THSD4: variants seen among roughly 807,000 people sequenced by gnomAD.
THSD4 encodes the protein thrombospondin type 1 domain containing 4.
In THSD4, 69 loss-of-function variants were observed where a neutral mutation model predicts 119.0. The ratio of observed to expected loss-of-function variants is 0.58; its 90% confidence interval spans 0.48 to 0.71. The LOEUF (loss-of-function observed/expected upper bound fraction) is 0.71, where lower values mean the gene tolerates loss of function less well. Ranked by LOEUF, THSD4 falls within the 30% of genes least tolerant of loss-of-function variation. The pLI is 0.00. For missense variants in THSD4, 1,393 were observed against 1,391.1 expected, an observed-to-expected ratio of 1.00 and a Z score of -0.02; for synonymous variants, 524 against 540.4, an observed-to-expected ratio of 0.97 and a Z score of 0.42.
intron 7 of THSD4, among the ~76,000 whole-genome samples, chr15:71,424,815 A>G (rs534051741): frequency 1.1e-3 from 160 of 152,240 alleles, no homozygotes; most frequent in Non-Finnish European, 2.0e-3. Context: ...TGTATGTATT[A>G]TTTTTGCTCC....
Position 71,728,626 on chromosome 15 carries a change from G to A in THSD4, c.1435G>A (p.Gly479Arg), listed in dbSNP as rs2052912098. The change falls in exon 9 of 18, where the codon GGG (glycine) becomes AGG (arginine). Residue 479 changes from glycine (G) to arginine (R), a missense_variant. Physicochemically the swap from Gly to Arg is moderately radical, Grantham distance 125. Coordinates refer to ENST00000261862, the MANE Select transcript of THSD4 (RefSeq NM_024817.3). ...TCGACCAGGAAAATACGAGGGCGGA[G>A]GGACCATGTTCACCTACAAGCGTCC... is the stretch of plus-strand genomic sequence containing the variant. Reference protein sequence around the residue: ...IDRPGKYEGGGTMFTYKRPNE... With the variant: ...IDRPGKYEGGRTMFTYKRPNE... 6.2e-7 allele frequency: 1 copy of A among 1,614,094 alleles called. No homozygotes were observed. The highest frequency in any genetic ancestry group is 8.5e-7 in the Non-Finnish European group (1 of 1,180,048).
At chr15:71,559,370 C>G (rs1421609645) in intron 7 of THSD4, among the ~76,000 whole-genome samples, 2 of 152,142 alleles carry the variant, frequency 1.3e-5, no homozygotes, top group Non-Finnish European at 2.9e-5. Context: ...CCAACATAAA[C>G]TTTCTAATAT....
intron 7 of THSD4, among the ~76,000 whole-genome samples, chr15:71,444,641 A>AT (rs2047154505): frequency 2.6e-5 from 4 of 152,174 alleles, no homozygotes; most frequent in African/African-American, 9.6e-5. Context: ...TGGGTTTCTG[A>AT]TTTTGGTGAG....
intron 7 of THSD4, among the ~76,000 whole-genome samples, chr15:71,496,877 C>T (rs956740772): frequency 2.0e-5 from 3 of 152,144 alleles, no homozygotes; most frequent in Non-Finnish European, 4.4e-5. Context: ...GCAGCCATGC[C>T]ACAGGGTTGG....
intron 7 of THSD4, among the ~76,000 whole-genome samples, chr15:71,440,558 A>G (rs774201139): frequency 1.1e-4 from 16 of 152,220 alleles, no homozygotes; most frequent in Admixed American, 3.9e-4. Flanking sequence ...TTTTTAAATG[A>G]AAGTCTATGC....
chr15:71,311,080 T>C (rs2045104511), intron 6 of THSD4, among the ~76,000 whole-genome samples: 1 of 152,210 alleles, frequency 6.6e-6, no homozygotes, highest in Non-Finnish European at 1.5e-5. Flanking sequence ...CCTCAGGGCC[T>C]GGAGCCTTCC....
Position 71,379,255 on chromosome 15 carries a change from A to G in THSD4, c.1016-32432A>G, listed in dbSNP as rs188312988. ...TGGTTACAGAGAACAAGGAAAGGTC[A>G]TCCTACCCATCTTTTCAGTTCTAAG... On this transcript the variant is annotated intron_variant, in intron 6 of 17. Coordinates refer to ENST00000261862, the MANE Select transcript of THSD4 (RefSeq NM_024817.3). Among the ~76,000 whole-genome samples the G allele has an allele frequency of 1.5e-3, 232 of 151,678 alleles. 5 individuals are homozygous for G. Among genetic ancestry groups the G allele is most frequent in the Non-Finnish European group, 2.6e-3 (174 of 67,750 alleles).
At chr15:71,448,248 A>T (rs1223512724) in intron 7 of THSD4, among the ~76,000 whole-genome samples, 1 of 152,230 alleles carries the variant, frequency 6.6e-6, no homozygotes, top group African/African-American at 2.4e-5. Flanking sequence ...CCACATCCTC[A>T]TTGAGAATAT....
chr15:71,727,551 AAAATATATAT>A (rs2052874039), intron 8 of THSD4, among the ~76,000 whole-genome samples: 1 of 107,522 alleles, frequency 9.3e-6, no homozygotes, highest in African/African-American at 4.4e-5. Flanking sequence ...AAAAAAAAAA[AAAATATATAT>A]ATATATATAT....
At chr15:71,348,211 T>G (rs2045693548) in intron 6 of THSD4, 1 of 152,202 alleles carries the variant, frequency 6.6e-6, no homozygotes, top group Non-Finnish European at 1.5e-5. Flanking sequence ...CCCAACCCTT[T>G]TGTAGAGCCT....
At chr15:71,440,023 A>T (rs900650475) in intron 7 of THSD4, among the ~76,000 whole-genome samples, 4 of 152,178 alleles carry the variant, frequency 2.6e-5, no homozygotes, top group African/African-American at 4.8e-5. Context: ...ATAATAATAA[A>T]AAAAGAATAT....
chr15:71,232,028 G>A (rs1030315451), intron 4 of THSD4, among the ~76,000 whole-genome samples: 4 of 152,070 alleles, frequency 2.6e-5, no homozygotes, highest in East Asian at 1.9e-4. Flanking sequence ...TTTCCAGCTC[G>A]AGGCTGCACA....
intron 7 of THSD4, among the ~76,000 whole-genome samples, chr15:71,542,827 A>G (rs374878622): frequency 1.1e-4 from 16 of 151,858 alleles, no homozygotes; most frequent in African/African-American, 2.4e-4. Context: ...CAGTGAGCCG[A>G]GATTGTGCCA....
chr15:71,475,179 C>T (rs1342045700), intron 7 of THSD4, among the ~76,000 whole-genome samples: 1 of 152,168 alleles, frequency 6.6e-6, no homozygotes, highest in African/African-American at 2.4e-5. Context: ...CTCAGATAGT[C>T]GTTAAGTTGA....
intron 3 of THSD4, among the ~76,000 whole-genome samples, chr15:71,205,447 T>C (rs1266913864): frequency 6.6e-6 from 1 of 152,156 alleles, no homozygotes; most frequent in East Asian, 1.9e-4. Flanking sequence ...AGTGGTGCTT[T>C]CCTCTGCATG....
chr15:71,747,053 A>AG lies in THSD4; in HGVS notation c.2241+14dup. 1 of 1,590,540 alleles carries AG rather than the reference A, an allele frequency of 6.3e-7. No homozygotes were observed. Among genetic ancestry groups the AG allele is most frequent in the Non-Finnish European group, 8.5e-7 (1 of 1,171,958 alleles). On this transcript the variant is annotated intron_variant, in intron 13 of 17. Coordinates refer to ENST00000261862, the MANE Select transcript of THSD4 (RefSeq NM_024817.3). ...ACCGACTGGACCTCGGTACGCAGGC[A>AG]GGGCAGCCCGCTCTGCAGCTCCCTC...
At chr15:71,772,234 A>G (rs2053834805) in intron 17 of THSD4, among the ~76,000 whole-genome samples, 1 of 152,224 alleles carries the variant, frequency 6.6e-6, no homozygotes, top group Non-Finnish European at 1.5e-5. Context: ...AGGTTTTAAT[A>G]TACTGACCTA....
intron 1 of THSD4, among the ~76,000 whole-genome samples, chr15:71,103,945 G>A (rs779984876): frequency 1.5e-4 from 23 of 152,168 alleles, no homozygotes; most frequent in Non-Finnish European, 2.5e-4. Context: ...GATACTGGGA[G>A]GGAAAAAAAT....
At chr15:71,764,947 A>G (rs1192606719) in intron 15 of THSD4, 73 bp from the exon 16 acceptor site, 25 of 1,518,414 alleles carry the variant, frequency 1.6e-5, no homozygotes, top group Non-Finnish European at 2.1e-5. Flanking sequence ...CGTCATAAGC[A>G]TCCCTTGATG....
Sources: allele counts gnomAD v4.1 joint callset (sites outside exome capture counted in the v4.1 genomes callset), GRCh38; gene constraint gnomAD v4.1.1; transcripts MANE v1.5; gene names NCBI Gene and HGNC (gene_info 2026-07-23, HGNC 2026-07-21).